The following RPTOR variants were observed in gnomAD, a reference collection of about 807,000 sequenced individuals.
RPTOR encodes regulatory associated protein of MTOR complex 1.
In RPTOR, 21 loss-of-function variants were observed where a neutral mutation model predicts 169.9. That is an observed-to-expected ratio of 0.12 (90% CI 0.09 to 0.18). The LOEUF (loss-of-function observed/expected upper bound fraction) is 0.18. RPTOR is among the 10% of genes least tolerant of loss of function. RPTOR has a pLI of 1.00. For missense variants in RPTOR, 1,133 were observed against 1,855.9 expected (o/e 0.61, Z 7.16); for synonymous variants, 732 against 753.2 (o/e 0.97, Z 0.46).
In RPTOR at chr17:80,562,558, C is replaced by G. The variant is rs1048952265; in HGVS notation, c.162+16767C>G. 3.9e-5 allele frequency among the ~76,000 whole-genome samples: 6 copies of G among 152,100 alleles called. No individual in the cohort carries two copies. Among genetic ancestry groups the G allele is most frequent in the African/African-American group, 1.4e-4 (6 of 41,416 alleles). On this transcript the variant is annotated intron_variant, in intron 1 of 33. Coordinates refer to ENST00000306801, the MANE Select transcript of RPTOR (RefSeq NM_020761.3). The surrounding 1 kb of genome is among the most constrained non-coding windows in gnomAD (Gnocchi z 4.4). ...CAGCACTTTGGGAGGCTGAGGCGGACGGATCACTTGAAGTCAGGAGTTCGA... is the reference window on the plus strand; with the variant it reads ...CAGCACTTTGGGAGGCTGAGGCGGAGGGATCACTTGAAGTCAGGAGTTCGA...
In RPTOR at chr17:80,717,933, A is replaced by G. The variant is rs76560130; in HGVS notation, c.507+9934A>G. On this transcript the variant is annotated intron_variant, in intron 4 of 33. Coordinates refer to ENST00000306801, the MANE Select transcript of RPTOR (RefSeq NM_020761.3). ...CACGTAGCGGAACGTTTATCGGGAGAAGGATTAATCCACTACTCGAATACT... is the reference window on the plus strand; with the variant it reads ...CACGTAGCGGAACGTTTATCGGGAGGAGGATTAATCCACTACTCGAATACT... 4.1e-3 allele frequency among the ~76,000 whole-genome samples: 629 copies of G among 152,284 alleles called. 10 individuals are homozygous for G. The highest frequency in any genetic ancestry group is 0.035 in the Admixed American group (532 of 15,304).
chr17:80,822,468 C>T (rs751492802), intron 8 of RPTOR, among the ~76,000 whole-genome samples, 167 bp downstream of exon 8: 2 of 152,160 alleles, frequency 1.3e-5, no homozygotes, highest in Non-Finnish European at 2.9e-5. Context: ...GAGGTGTCTG[C>T]GAGGGGGTGA....
At chr17:80,687,070 T>G (rs900747748) in intron 3 of RPTOR, among the ~76,000 whole-genome samples, 1 of 152,196 alleles carries the variant, frequency 6.6e-6, no homozygotes, top group Non-Finnish European at 1.5e-5. Context: ...TCCTAATAAC[T>G]GGGGCTTTGT....
intron 3 of RPTOR, among the ~76,000 whole-genome samples, chr17:80,665,241 G>A (rs915674662): frequency 1.3e-5 from 2 of 152,090 alleles, no homozygotes; most frequent in Non-Finnish European, 2.9e-5. Flanking sequence ...CTGGCGAGGA[G>A]GGAGGGAGGC....
At chr17:80,692,460 T>C (rs1216447778) in intron 3 of RPTOR, among the ~76,000 whole-genome samples, 1 of 152,150 alleles carries the variant, frequency 6.6e-6, no homozygotes, top group East Asian at 1.9e-4. Context: ...TAGCTGGGAT[T>C]ACAGGCACAT....
chr17:80,943,002 T>A lies in RPTOR; in HGVS notation c.3025+2401T>A, dbSNP rs544037573. Among the ~76,000 whole-genome samples the A allele has an allele frequency of 4.0e-3, 608 of 152,386 alleles. 3 individuals carry two copies. Among genetic ancestry groups the A allele is most frequent in the Non-Finnish European group, 4.2e-3 (285 of 68,042 alleles). On this transcript the variant is annotated intron_variant, in intron 25 of 33. Coordinates refer to ENST00000306801, the MANE Select transcript of RPTOR (RefSeq NM_020761.3). ...CAAAGCCTTCGGGCCTGCCTGCCTC[T>A]GTGAGTGCAGCCTCTCCTTGTATAA...
intron 10 of RPTOR, among the ~76,000 whole-genome samples, chr17:80,840,817 A>ACGCCGCAGCTCACTCTCACCG (rs2067633864): frequency 1.4e-5 from 1 of 72,144 alleles, no homozygotes; most frequent in Admixed American, 1.6e-4. Flanking sequence ...CACTCTCACC[A>ACGCCGCAGCTCACTCTCACCG]CGCCGCAGCT....
rs1021318227 is a variant in RPTOR at position 80,633,290 on chromosome 17, G to A, written c.265+7497G>A. 1.5e-4 allele frequency among the ~76,000 whole-genome samples: 23 copies of A among 152,316 alleles called. No individual in the cohort carries two copies. The highest frequency in any genetic ancestry group is 2.5e-4 in the Non-Finnish European group (17 of 68,036). On this transcript the variant is annotated intron_variant, in intron 2 of 33. Coordinates refer to ENST00000306801, the MANE Select transcript of RPTOR (RefSeq NM_020761.3). The surrounding 1 kb of genome is among the most constrained non-coding windows in gnomAD (Gnocchi z 4.1). ...GTCACCAAAATCAAGGAGCATTCGC[G>A]TGGACGTGTGACTGCCACGTAAGCG...
In RPTOR at chr17:80,730,740, G is replaced by A. The variant is rs367941292; in HGVS notation, c.654+34G>A. 5.8e-5 allele frequency: 57 copies of A among 979,754 alleles called. No homozygotes were observed. The highest frequency in any genetic ancestry group is 7.8e-5 in the Non-Finnish European group (54 of 688,350). 60.7% of individuals were successfully genotyped at this position (979,754 alleles called of 1,614,324 possible). On this transcript the variant is annotated intron_variant, in intron 5 of 33. Transcript: ENST00000306801. The surrounding 1 kb of genome is among the most constrained non-coding windows in gnomAD (Gnocchi z 4.2). Reference sequence around the variant, plus strand: ...TCTGGTGCTTGGAGAGCGGTGCTGGGTTTGGTTTTGTTTTCCCTGGGGGTG... The same window carrying A: ...TCTGGTGCTTGGAGAGCGGTGCTGGATTTGGTTTTGTTTTCCCTGGGGGTG...
rs2066158120 is a variant in RPTOR, at chr17:80,708,481, T to G, written c.507+482T>G. 1.3e-5 allele frequency among the ~76,000 whole-genome samples: 2 copies of G among 152,238 alleles called. No individual in the cohort carries two copies. The highest frequency in any genetic ancestry group is 2.9e-5 in the Non-Finnish European group (2 of 68,046). On this transcript the variant is annotated intron_variant, in intron 4 of 33. Transcript: ENST00000306801. The surrounding 1 kb of genome is among the most constrained non-coding windows in gnomAD (Gnocchi z 4.2). ...GAATCACCAGCCTTTTGCAATTCCG[T>G]TGCCCAGGACCAGATGAAGTGCTTG... is the stretch of plus-strand genomic sequence containing the variant.
intron 3 of RPTOR, among the ~76,000 whole-genome samples, chr17:80,696,707 G>A (rs767771630): frequency 6.6e-6 from 1 of 152,210 alleles, no homozygotes; most frequent in Non-Finnish European, 1.5e-5. Context: ...GGATGCCGCC[G>A]AACTCAGCCG....
At chr17:80,798,171 C>T (rs1213360143) in intron 7 of RPTOR, among the ~76,000 whole-genome samples, 3 of 152,226 alleles carry the variant, frequency 2.0e-5, no homozygotes, top group Admixed American at 2.0e-4. Context: ...AAGGGAGTCA[C>T]CTCTCTGACA....
In RPTOR at chr17:80,714,806, C is replaced by T. The variant is rs992372772; in HGVS notation, c.507+6807C>T. Reference sequence around the variant, plus strand: ...TGGTGCCATCACCACCCACTGCAACCTTTGTCTCCTGGATTCAAGCAATTC... The same window carrying T: ...TGGTGCCATCACCACCCACTGCAACTTTTGTCTCCTGGATTCAAGCAATTC... On this transcript the variant is annotated intron_variant, in intron 4 of 33. Coordinates refer to ENST00000306801, the MANE Select transcript of RPTOR (RefSeq NM_020761.3). 2.0e-5 allele frequency among the ~76,000 whole-genome samples: 3 copies of T among 152,204 alleles called. No homozygotes were observed. In the East Asian group the frequency reaches 5.8e-4, roughly 29 times the overall value.
Position 80,964,347 on chromosome 17 carries a change from C to A in RPTOR, c.*17C>A, listed in dbSNP as rs774850903. On this transcript the variant is annotated 3_prime_UTR_variant, in exon 34 of 34. Transcript: ENST00000306801. ...GTCAGATAGCGGCGTGACCCGGGCCCACCAGGCCACGGCCGCCTGCTGTAC... is the reference window on the plus strand; with the variant it reads ...GTCAGATAGCGGCGTGACCCGGGCCAACCAGGCCACGGCCGCCTGCTGTAC... 6.2e-7 allele frequency: 1 copy of A among 1,604,150 alleles called. No homozygotes were observed.
intron 10 of RPTOR, among the ~76,000 whole-genome samples, chr17:80,839,923 A>G (rs1184033053): frequency 6.6e-6 from 1 of 152,220 alleles, no homozygotes; most frequent in Admixed American, 6.5e-5. Flanking sequence ...ACTAGAATCA[A>G]TATTCTGCAT....
In RPTOR at chr17:80,921,929, C is replaced by T. The variant is rs575074776; in HGVS notation, c.2521-795C>T. On this transcript the variant is annotated intron_variant, in intron 21 of 33. Transcript: ENST00000306801. Reference sequence around the variant, plus strand: ...GCACCCAGCACCACCTGCGTGCGCCCGTGGGAAAGGATGACCACAGCCCCT... The same window carrying T: ...GCACCCAGCACCACCTGCGTGCGCCTGTGGGAAAGGATGACCACAGCCCCT... Among the ~76,000 whole-genome samples the T allele has an allele frequency of 3.7e-4, 57 of 152,274 alleles. 1 individual carries two copies. Among genetic ancestry groups the T allele is most frequent in the South Asian group, 2.3e-3 (11 of 4,820 alleles).
chr17:80,820,884 T>C lies in RPTOR; in HGVS notation c.891-1317T>C, dbSNP rs932923234. 6.6e-6 allele frequency among the ~76,000 whole-genome samples: 1 copy of C among 152,242 alleles called. No individual in the cohort carries two copies. Among genetic ancestry groups the C allele is most frequent in the Non-Finnish European group, 1.5e-5 (1 of 68,048 alleles). ...TCCCCGTCCTGGCCAGCAGCCTGAC[T>C]AGAAAACCCTGATGTTGGGTAAACT... On this transcript the variant is annotated intron_variant, in intron 7 of 33. Coordinates refer to ENST00000306801, the MANE Select transcript of RPTOR (RefSeq NM_020761.3). This position sits in a 1 kb window ranked among gnomAD's most constrained non-coding sequence, Gnocchi z 4.1.
At position 80,652,302 on chromosome 17, in the gene RPTOR, C is replaced by T. The variant is rs767695305; in HGVS notation, c.348+8492C>T. ...CCCCAAAGGGAAACCCAAAGCCCAT[C>T]GGCAGTCATTTCTCCTCCCCCAGGC... On this transcript the variant is annotated intron_variant, in intron 3 of 33. Transcript: ENST00000306801. Among the ~76,000 whole-genome samples, 4 of 152,332 alleles carry T rather than the reference C, an allele frequency of 2.6e-5. No individual in the cohort carries two copies. The South Asian group carries it at 8.3e-4, about 32-fold the overall frequency.
intron 17 of RPTOR, 133 bp from the exon 18 acceptor site, chr17:80,891,587 C>T: frequency 1.5e-6 from 1 of 679,282 alleles, no homozygotes. Flanking sequence ...AAGGGATGGT[C>T]CCTGTTTCTG....
Sources: allele counts gnomAD v4.1 joint callset (sites outside exome capture counted in the v4.1 genomes callset), GRCh38; gene constraint gnomAD v4.1.1; non-coding constraint Gnocchi (gnomAD v3.1); transcripts MANE v1.5; gene names NCBI Gene and HGNC (gene_info 2026-07-23, HGNC 2026-07-21).